SLC16A12: variants seen among roughly 807,000 people sequenced by gnomAD.
SLC16A12 encodes the protein solute carrier family 16 member 12, also known as monocarboxylate transporter 12.
In SLC16A12, 17 loss-of-function variants were observed where a neutral mutation model predicts 42.4. The observed-to-expected ratio is 0.40, with a 90% CI of 0.27 to 0.60. The LOEUF (loss-of-function observed/expected upper bound fraction) is 0.60. Among genes scored for constraint, SLC16A12 ranks in the 20% least tolerant of loss-of-function variants. The probability of loss-of-function intolerance (pLI) is 0.42; values close to 1 mark genes in which losing one functional copy is unlikely to be tolerated. For synonymous variants in SLC16A12, 224 were observed against 229.4 expected, an observed-to-expected ratio of 0.98 and a Z score of 0.21; for missense variants, 544 against 623.0, an observed-to-expected ratio of 0.87 and a Z score of 1.35.
chr10:89,551,811 C>T (rs1049255318), intron 2 of SLC16A12, among the ~76,000 whole-genome samples: 2 of 152,222 alleles, frequency 1.3e-5, no homozygotes, highest in African/African-American at 4.8e-5. Flanking sequence ...CCATGTGGAA[C>T]TGTAAGTCCA....
At chr10:89,479,128 T>C (rs1226337414) in intron 2 of SLC16A12, among the ~76,000 whole-genome samples, 1 of 152,232 alleles carries the variant, frequency 6.6e-6, no homozygotes, top group African/African-American at 2.4e-5. Flanking sequence ...GATAGCCGCA[T>C]GTTTAGTACC....
At chr10:89,483,739 A>T (rs1216855595) in intron 2 of SLC16A12, among the ~76,000 whole-genome samples, 2 of 128,470 alleles carry the variant, frequency 1.6e-5, no homozygotes, top group Non-Finnish European at 3.2e-5. Context: ...CGCTGCCTCT[A>T]AAAAAAAAAA....
intron 6 of SLC16A12, among the ~76,000 whole-genome samples, chr10:89,436,915 A>AGAAAGAAAGAAAGAAAGAAG (rs71471124): frequency 4.1e-5 from 3 of 73,076 alleles, no homozygotes; most frequent in African/African-American, 1.6e-4. Flanking sequence ...AAAGAAAGAA[A>AGAAAGAAAGAAAGAAAGAAG]AAGAAAGAGT....
upstream of SLC16A12, among the ~76,000 whole-genome samples, chr10:89,536,948 C>T (rs939030815): frequency 2.6e-5 from 4 of 152,078 alleles, no homozygotes; most frequent in African/African-American, 9.7e-5. Flanking sequence ...AACGATTCTC[C>T]TGCCTCAGCT....
chr10:89,443,705 A>G, intron 4 of SLC16A12, 51 bp downstream of exon 4: 1 of 1,264,054 alleles, frequency 7.9e-7, no homozygotes, highest in Non-Finnish European at 1.2e-6. Context: ...TCATTGTCAT[A>G]TACAGTTCAA....
chr10:89,442,328 A>C (rs1446336213), intron 4 of SLC16A12, among the ~76,000 whole-genome samples: 2 of 152,208 alleles, frequency 1.3e-5, no homozygotes, highest in Non-Finnish European at 2.9e-5. Context: ...AATTGTGTAC[A>C]ACAGGCCTCT....
At chr10:89,477,918 C>T (rs1842605334) in intron 2 of SLC16A12, among the ~76,000 whole-genome samples, 1 of 126,316 alleles carries the variant, frequency 7.9e-6, no homozygotes, top group Non-Finnish European at 1.6e-5. Flanking sequence ...AAGAGTAGGA[C>T]TTGTGCCTTG....
At position 89,463,807 on chromosome 10, in the gene SLC16A12, C is replaced by T. The variant is rs186516544; in HGVS notation, c.-46-1183G>A. ...TGAATCCCTAACATGTGTCAGGCAC[C>T]GTTTTAGGGCACTAAGGATTCAGTA... is the stretch of plus-strand genomic sequence containing the variant. On this transcript the variant is annotated intron_variant, in intron 2 of 7. Coordinates refer to ENST00000371790, the MANE Select transcript of SLC16A12 (RefSeq NM_213606.4). Among the ~76,000 whole-genome samples the T allele has an allele frequency of 3.3e-5, 5 of 152,220 alleles. No homozygotes were observed. The East Asian group carries it at 7.7e-4, about 23-fold the overall frequency.
intron 3 of SLC16A12, among the ~76,000 whole-genome samples, chr10:89,447,520 C>T (rs780148217): frequency 1.3e-5 from 2 of 152,068 alleles, no homozygotes; most frequent in South Asian, 2.1e-4. Flanking sequence ...GGGTAAATAA[C>T]GAAATGTAGG....
At chr10:89,475,121 C>A (rs1044110943) in intron 2 of SLC16A12, among the ~76,000 whole-genome samples, 2 of 152,218 alleles carry the variant, frequency 1.3e-5, no homozygotes, top group African/African-American at 4.8e-5. Context: ...ATTACTCCCT[C>A]TTAACAAGAA....
chr10:89,518,701 T>A (rs112204156), intron 2 of SLC16A12, among the ~76,000 whole-genome samples: 5,238 of 152,166 alleles, frequency 0.034, 153 homozygotes, highest in Non-Finnish European at 0.044. Flanking sequence ...CTGGAACAAG[T>A]GACCTCCTGG....
chr10:89,510,494 C>T (rs1843146359), intron 2 of SLC16A12, among the ~76,000 whole-genome samples: 1 of 152,122 alleles, frequency 6.6e-6, no homozygotes, highest in Non-Finnish European at 1.5e-5. Flanking sequence ...GAAGGATTCC[C>T]TATTTAAATG....
At chr10:89,449,334 A>T (rs566915190) in intron 3 of SLC16A12, among the ~76,000 whole-genome samples, 2 of 152,332 alleles carry the variant, frequency 1.3e-5, no homozygotes, top group South Asian at 4.1e-4. Flanking sequence ...AGCTGGAGGC[A>T]TCATGCTACC....
chr10:89,522,909 A>T (rs962419805), intron 2 of SLC16A12, among the ~76,000 whole-genome samples: 1 of 152,250 alleles, frequency 6.6e-6, no homozygotes, highest in Admixed American at 6.5e-5. Flanking sequence ...TGTAGACACA[A>T]GTGAGACCTT....
Position 89,441,260 on chromosome 10 carries a change from A to G in SLC16A12, c.305-9T>C, listed in dbSNP as rs749441853. On this transcript the variant is annotated splice_polypyrimidine_tract_variant and intron_variant, in intron 4 of 7. Transcript: ENST00000371790. Reference sequence around the variant, plus strand: ...AACACTCCCAAGTGGAGCTTCAAAAACAATAAGAAATAGGTTCAACAGAAA... The same window carrying G: ...AACACTCCCAAGTGGAGCTTCAAAAGCAATAAGAAATAGGTTCAACAGAAA... The G allele has an allele frequency of 8.1e-6, 13 of 1,614,004 alleles. No individual in the cohort carries two copies. The highest frequency in any genetic ancestry group is 1.1e-5 in the Non-Finnish European group (13 of 1,179,904).
chr10:89,504,466 TAC>T (rs1244297829), intron 2 of SLC16A12, among the ~76,000 whole-genome samples: 1 of 152,236 alleles, frequency 6.6e-6, no homozygotes, highest in Non-Finnish European at 1.5e-5. Flanking sequence ...TATATTATTG[TAC>T]CCTGGACAAC....
upstream of SLC16A12, among the ~76,000 whole-genome samples, chr10:89,537,272 G>A (rs1461596378): frequency 6.6e-6 from 1 of 150,470 alleles, no homozygotes; most frequent in Non-Finnish European, 1.5e-5. Context: ...CGAACTCCTA[G>A]GCTCAAGGGA....
chr10:89,493,938 A>G (rs924800524), intron 2 of SLC16A12, among the ~76,000 whole-genome samples: 1 of 152,180 alleles, frequency 6.6e-6, no homozygotes, highest in Non-Finnish European at 1.5e-5. Context: ...TAATGTTAAA[A>G]GTTCTAGAAG....
At chr10:89,540,510 A>G (rs957987761), upstream of SLC16A12, among the ~76,000 whole-genome samples, 4 of 152,090 alleles carry the variant, frequency 2.6e-5, no homozygotes, top group Admixed American at 2.6e-4. Context: ...TTCTTAATGT[A>G]TATCTCCATC....
Sources: gnomAD v4.1 joint callset for allele counts (sites outside exome capture counted in the v4.1 genomes callset) on GRCh38, gnomAD v4.1.1 for gene constraint, MANE v1.5 for transcripts, NCBI Gene and HGNC (gene_info 2026-07-23, HGNC 2026-07-21) for gene names.